The following LEPR variants were observed in gnomAD, a reference collection of about 807,000 sequenced individuals.
The protein encoded by LEPR is leptin receptor, also known as OB receptor.
In LEPR, 56 loss-of-function variants were observed where a neutral mutation model predicts 114.7. That is an observed-to-expected ratio of 0.49 (90% confidence interval 0.39 to 0.61). The LOEUF (loss-of-function observed/expected upper bound fraction) is 0.61, where lower values mean the gene tolerates loss of function less well. Among genes scored for constraint, LEPR ranks in the 20% least tolerant of loss-of-function variants. The pLI, the probability that LEPR is intolerant of heterozygous loss-of-function variation, is 0.00. For synonymous variants in LEPR, 443 were observed against 461.4 expected, an observed-to-expected ratio of 0.96 and a Z score of 0.51; for missense variants, 1,202 against 1,352.9, an observed-to-expected ratio of 0.89 and a Z score of 1.75.
intron 2 of LEPR, among the ~76,000 whole-genome samples, chr1:65,504,345 A>G (rs1648613672): frequency 6.6e-6 from 1 of 152,188 alleles, no homozygotes; most frequent in Non-Finnish European, 1.5e-5. Flanking sequence ...CCATATGGAA[A>G]GCTTAGAAAA....
intron 2 of LEPR, among the ~76,000 whole-genome samples, chr1:65,489,717 C>A (rs139188270): frequency 4.0e-3 from 608 of 152,172 alleles, no homozygotes; most frequent in Non-Finnish European, 6.2e-3. Context: ...AATTTCCCCA[C>A]ATTCATTGGG....
chr1:65,492,082 C>T lies in LEPR; in HGVS notation c.-21+66704C>T, dbSNP rs192019919. ...ACAATTTCTTGTGCTCCTTTCTGTA[C>T]TGTGGGTATTTACCGAGTTCAACCA... On this transcript the variant is annotated intron_variant, in intron 2 of 19. Transcript: ENST00000349533. Among the ~76,000 whole-genome samples, 381 of 152,144 alleles carry T rather than the reference C, an allele frequency of 2.5e-3. 1 individual carries two copies. The highest frequency in any genetic ancestry group is 6.8e-3 in the Middle Eastern group (2 of 294).
At chr1:65,542,354 T>A (rs573995781) in intron 2 of LEPR, among the ~76,000 whole-genome samples, 62 of 152,156 alleles carry the variant, frequency 4.1e-4, no homozygotes, top group Middle Eastern at 3.2e-3. Context: ...TATTATATAC[T>A]TTAATTGATT....
chr1:65,536,789 A>G (rs551035342), intron 2 of LEPR, among the ~76,000 whole-genome samples: 3 of 152,284 alleles, frequency 2.0e-5, no homozygotes, highest in Admixed American at 6.5e-5. Flanking sequence ...TGATACAGCA[A>G]TTCAAAAAAG....
intron 2 of LEPR, among the ~76,000 whole-genome samples, chr1:65,499,955 T>C (rs1170576428): frequency 6.6e-6 from 1 of 152,068 alleles, no homozygotes; most frequent in Non-Finnish European, 1.5e-5. Flanking sequence ...TCATGTTAAA[T>C]TGTAATCCCC....
At chr1:65,622,264 T>G (rs1657933483) in intron 18 of LEPR, among the ~76,000 whole-genome samples, 1 of 152,022 alleles carries the variant, frequency 6.6e-6, no homozygotes, top group African/African-American at 2.4e-5. Context: ...TTAAGGACGT[T>G]TTGTGGTGAA....
chr1:65,604,993 C>T, intron 10 of LEPR, 45 bp from the exon 11 acceptor site: 1 of 1,600,418 alleles, frequency 6.2e-7, no homozygotes, highest in Non-Finnish European at 8.5e-7. Flanking sequence ...CTTCTTGTTG[C>T]TTTTATTAAT....
rs1205621384 is a variant in LEPR, at chr1:65,596,601, T to C, written c.849+8T>C. 1 of 1,610,678 alleles carries C rather than the reference T, an allele frequency of 6.2e-7. No homozygotes were observed. Among genetic ancestry groups the C allele is most frequent in the African/African-American group, 1.3e-5 (1 of 74,788 alleles). ...ACAACAGTTATCAGAGAAGTAAGTATATTTTAGTAAGTAAAAGGAAAAGTT... is the reference window on the plus strand; with the variant it reads ...ACAACAGTTATCAGAGAAGTAAGTACATTTTAGTAAGTAAAAGGAAAAGTT... On this transcript the variant is annotated splice_region_variant and intron_variant, in intron 7 of 19. Coordinates refer to ENST00000349533, the MANE Select transcript of LEPR (RefSeq NM_002303.6).
At chr1:65,547,352 C>T (rs1458507747) in intron 2 of LEPR, among the ~76,000 whole-genome samples, 1 of 152,254 alleles carries the variant, frequency 6.6e-6, no homozygotes, top group African/African-American at 2.4e-5. Context: ...CCCTCTTTTT[C>T]TATTGATTGG....
chr1:65,589,628 T>C (rs1261789927), intron 5 of LEPR, among the ~76,000 whole-genome samples: 1 of 152,112 alleles, frequency 6.6e-6, no homozygotes, highest in Non-Finnish European at 1.5e-5. Context: ...TTCTTTTCTT[T>C]TATTGCATAT....
chr1:65,435,293 C>T lies in LEPR; in HGVS notation c.-21+9915C>T, dbSNP rs559821775. On this transcript the variant is annotated intron_variant, in intron 2 of 19. Coordinates refer to ENST00000349533, the MANE Select transcript of LEPR (RefSeq NM_002303.6). The stretch of plus-strand genomic sequence containing the variant: ...TACTGTTTTCAAGGCTGAAATAGTT[C>T]ATTATGTTAATAACCTTCTTTATGT... 168 of 984,334 alleles carry T rather than the reference C, an allele frequency of 1.7e-4. 3 individuals carry two copies. In the South Asian group the frequency reaches 7.2e-3, roughly 42 times the overall value. The allele number at this position is 984,334 out of a possible 1,614,324, so 61.0% of individuals were successfully genotyped here. A position where few individuals can be genotyped will look rare whatever the true frequency, so the allele number is the denominator to read the frequency against.
chr1:65,545,195 C>A (rs1195777062), intron 2 of LEPR, among the ~76,000 whole-genome samples: 5 of 146,906 alleles, frequency 3.4e-5, no homozygotes, highest in African/African-American at 1.0e-4. Flanking sequence ...TTTTCTTAAT[C>A]CAGTCTATCA....
intron 2 of LEPR, among the ~76,000 whole-genome samples, chr1:65,488,673 C>A (rs1313207246): frequency 1.3e-5 from 2 of 151,600 alleles, no homozygotes; most frequent in African/African-American, 4.9e-5. Context: ...ACTATAGTCA[C>A]CCTGTTGTGC....
intron 2 of LEPR, among the ~76,000 whole-genome samples, chr1:65,509,078 A>T (rs1020603387): frequency 3.9e-5 from 6 of 151,928 alleles, no homozygotes; most frequent in Non-Finnish European, 7.4e-5. Context: ...AGTTTTATTA[A>T]TTTTTTTGGT....
chr1:65,589,179 G>A (rs771663547), intron 5 of LEPR, among the ~76,000 whole-genome samples: 11 of 151,974 alleles, frequency 7.2e-5, no homozygotes, highest in Non-Finnish European at 1.2e-4. Context: ...ATGATGTTGA[G>A]CATCCTTTCA....
chr1:65,488,230 T>G (rs201669798), intron 2 of LEPR, among the ~76,000 whole-genome samples: 1 of 49,454 alleles, frequency 2.0e-5, no homozygotes, highest in Admixed American at 2.3e-4. Flanking sequence ...CTCTCTCTCT[T>G]TCTTTCTTTC....
chr1:65,496,823 T>C (rs978631458), intron 2 of LEPR, among the ~76,000 whole-genome samples: 5 of 152,132 alleles, frequency 3.3e-5, no homozygotes, highest in African/African-American at 1.2e-4. Flanking sequence ...ACTTGAGATG[T>C]AGTCCTAGGA....
intron 2 of LEPR, among the ~76,000 whole-genome samples, chr1:65,522,382 T>A (rs1241346983): frequency 2.0e-5 from 3 of 152,192 alleles, no homozygotes; most frequent in Non-Finnish European, 2.9e-5. Context: ...ACTTGGGCAG[T>A]CATCATATTC....
At chr1:65,455,250 A>C (rs1472879241) in intron 2 of LEPR, among the ~76,000 whole-genome samples, 1 of 152,112 alleles carries the variant, frequency 6.6e-6, no homozygotes, top group Non-Finnish European at 1.5e-5. Flanking sequence ...AGCTCGTAGT[A>C]ATTTGATCGT....
Sources: allele counts gnomAD v4.1 joint callset (sites outside exome capture counted in the v4.1 genomes callset), GRCh38; gene constraint gnomAD v4.1.1; transcripts MANE v1.5; gene names NCBI Gene and HGNC (gene_info 2026-07-23, HGNC 2026-07-21).